ANKRD26: variants seen among roughly 807,000 people sequenced by gnomAD.
ANKRD26 encodes ankyrin repeat domain-containing protein 26.
A neutral mutation model predicts 208.7 loss-of-function variants in ANKRD26; 141 were observed. That is an observed-to-expected ratio of 0.68 (90% CI 0.59 to 0.78). The LOEUF is 0.78. Ranked by LOEUF, ANKRD26 falls within the 30% of genes least tolerant of loss-of-function variation. The pLI is 0.00. For synonymous variants in ANKRD26, 636 were observed against 660.4 expected (o/e 0.96, Z 0.57); for missense variants, 1,889 against 1,938.7 (o/e 0.97, Z 0.48).
In ANKRD26 at chr10:27,004,955, G is replaced by A. The variant is rs2052818898; in HGVS notation, c.*635C>T. 1.3e-6 allele frequency: 1 copy of A among 771,224 alleles called. No individual in the cohort carries two copies. Among genetic ancestry groups the A allele is most frequent in the Admixed American group, 6.2e-5 (1 of 16,018 alleles). The allele number at this position is 771,224 out of a possible 1,614,324, so 47.8% of individuals were successfully genotyped here. On this transcript the variant is annotated 3_prime_UTR_variant, in exon 34 of 34. Coordinates refer to ENST00000376087, the MANE Select transcript of ANKRD26 (RefSeq NM_014915.3). ...TAGGAATGCCCACTAAAGTAATCAG[G>A]GGTGATGACATAATGTCAGCAATTT... is the stretch of plus-strand genomic sequence containing the variant.
rs767613987 is a variant in ANKRD26, at chr10:27,029,371, A to T, written c.3808-15T>A. Reference sequence around the variant, plus strand: ...GCTTCTTGCAACTAAAACAAAGAATAAAAAAAACCCACTTTACTAATAATC... The same window carrying T: ...GCTTCTTGCAACTAAAACAAAGAATTAAAAAAACCCACTTTACTAATAATC... On this transcript the variant is annotated splice_polypyrimidine_tract_variant and intron_variant, in intron 25 of 33. Transcript: ENST00000376087. 222 of 1,604,412 alleles carry T rather than the reference A, an allele frequency of 1.4e-4. No homozygotes were observed. The highest frequency in any genetic ancestry group is 1.8e-4 in the African/African-American group (13 of 74,278).
chr10:27,069,356 T>C (rs1011812380), intron 9 of ANKRD26, among the ~76,000 whole-genome samples: 1 of 152,112 alleles, frequency 6.6e-6, no homozygotes, highest in African/African-American at 2.4e-5. Flanking sequence ...TGTTATTTAC[T>C]AGGATGGGGA....
chr10:27,045,232 T>C (rs767982267), intron 18 of ANKRD26, among the ~76,000 whole-genome samples: 3 of 152,278 alleles, frequency 2.0e-5, no homozygotes, highest in Non-Finnish European at 4.4e-5. Flanking sequence ...AAGACCAGCT[T>C]GGCCAACATG....
At chr10:27,050,868 A>C (rs2054631167) in intron 16 of ANKRD26, among the ~76,000 whole-genome samples, 1 of 152,232 alleles carries the variant, frequency 6.6e-6, no homozygotes, top group African/African-American at 2.4e-5. Context: ...AGGTTGATTA[A>C]GGAACAAAGA....
In ANKRD26 at chr10:27,060,372, T is replaced by C. The variant is rs770459954; in HGVS notation, c.1537A>G (p.Met513Val). 4.3e-6 allele frequency: 7 copies of C among 1,612,722 alleles called. No homozygotes were observed. In the Admixed American group the frequency reaches 8.3e-5, roughly 19 times the overall value. The change falls in exon 15 of 34, where the codon ATG becomes GTG. Residue 513 changes from methionine (M) to valine (V), a missense_variant. By Grantham distance (21) the Met-to-Val change is conservative (BLOSUM62 1). Around this residue, in one of 3 missense-constraint regions of ANKRD26, gnomAD observed 1,272 missense variants for 1,273.8 expected, o/e 1.00. Transcript: ENST00000376087. ...KDSVPNKAGG[M>V]KDVQTSKAAE... is the part of the protein sequence containing the mutation. ...GCTTTGGATGTTTGTACATCCTTCA[T>C]TCCTCCTGCTTTATTTGGAACAGAA...
chr10:27,078,360 C>G (rs998107023), intron 7 of ANKRD26, among the ~76,000 whole-genome samples: 5 of 151,848 alleles, frequency 3.3e-5, no homozygotes, highest in Non-Finnish European at 7.4e-5. Flanking sequence ...CAGACATGGA[C>G]TGAAATAACA....
At chr10:26,979,039 A>G (rs1176583139) in intron 5 of ANKRD26, among the ~76,000 whole-genome samples, 1 of 152,052 alleles carries the variant, frequency 6.6e-6, no homozygotes, top group Non-Finnish European at 1.5e-5. Context: ...TGCCTAACAC[A>G]GTGAAACCCC....
intron 17 of ANKRD26, among the ~76,000 whole-genome samples, chr10:27,047,173 A>G (rs961991847): frequency 6.6e-6 from 1 of 152,200 alleles, no homozygotes; most frequent in Non-Finnish European, 1.5e-5. Context: ...TTTATTTTAA[A>G]TGAAGTTTTA....
chr10:26,975,690 A>G (rs2134602916), exon 6 of ANKRD26, among the ~76,000 whole-genome samples: 1 of 152,062 alleles, frequency 6.6e-6, no homozygotes, highest in Non-Finnish European at 1.5e-5. Flanking sequence ...AAATATACAA[A>G]AAATAGTCAG....
At chr10:26,989,980 G>A (rs994798055), downstream of ANKRD26, among the ~76,000 whole-genome samples, 2 of 152,216 alleles carry the variant, frequency 1.3e-5, no homozygotes, top group African/African-American at 4.8e-5. Context: ...GAGAGTTCTC[G>A]GTTAGCATAT....
downstream of ANKRD26, among the ~76,000 whole-genome samples, chr10:26,988,534 A>C (rs2052427715): frequency 6.6e-6 from 1 of 152,088 alleles, no homozygotes; most frequent in African/African-American, 2.4e-5. Flanking sequence ...CTTTCCACGC[A>C]CCTTTGAGGC....
the ANKRD26 span, among the ~76,000 whole-genome samples, chr10:26,954,466 A>G: frequency 6.6e-6 from 1 of 152,184 alleles, no homozygotes; most frequent in Non-Finnish European, 1.5e-5. Flanking sequence ...TAACATAAGC[A>G]AACTTGTTTC....
At chr10:26,970,470 T>G (rs983985643), downstream of ANKRD26, among the ~76,000 whole-genome samples, 4 of 152,142 alleles carry the variant, frequency 2.6e-5, no homozygotes, top group African/African-American at 9.7e-5. Context: ...ATGCTGTCTC[T>G]CAATACTGCT....
intron 30 of ANKRD26, among the ~76,000 whole-genome samples, chr10:27,015,693 C>G (rs563471489): frequency 8.5e-5 from 13 of 152,202 alleles, no homozygotes; most frequent in Admixed American, 2.6e-4. Context: ...TGAAGACTTT[C>G]TACTCTCACA....
At chr10:26,952,724 G>A in the ANKRD26 span, among the ~76,000 whole-genome samples, 4 of 152,288 alleles carry the variant, frequency 2.6e-5, no homozygotes, top group Admixed American at 1.3e-4. Context: ...CAACATTACT[G>A]TATAGCTAAA....
chr10:27,017,413 TA>T, intron 30 of ANKRD26, 88 bp downstream of exon 30: 1 of 1,372,986 alleles, frequency 7.3e-7, no homozygotes, highest in Non-Finnish European at 1.0e-6. Flanking sequence ...CAAATTGCTA[TA>T]AGGGATGTAG....
rs376882515 is a variant in ANKRD26 at position 27,033,371 on chromosome 10, C to T, written c.3661G>A (p.Val1221Met). ...ENEKAEREVV[V>M]RQLQQELADT... is the part of the protein sequence containing the mutation. Reference sequence around the variant, plus strand: ...GCTAGTTCTTGTTGAAGTTGTCTCACAACAACCTGATAAGACATTTTGTTA... The same window carrying T: ...GCTAGTTCTTGTTGAAGTTGTCTCATAACAACCTGATAAGACATTTTGTTA... Residue 1221 changes from valine (V) to methionine (M), a missense_variant, in exon 25 of 34, where the codon GTG becomes ATG. Physicochemically the swap from Val to Met is conservative, Grantham distance 21. Coordinates refer to ENST00000376087, the MANE Select transcript of ANKRD26 (RefSeq NM_014915.3). The T allele has an allele frequency of 2.1e-5, 33 of 1,608,930 alleles. No individual in the cohort carries two copies. Among genetic ancestry groups the T allele is most frequent in the Middle Eastern group, 1.7e-4 (1 of 6,048 alleles).
At chr10:27,029,148 C>T in intron 26 of ANKRD26, 138 bp downstream of exon 26, 1 of 1,173,294 alleles carries the variant, frequency 8.5e-7, no homozygotes, top group Non-Finnish European at 1.2e-6. Context: ...ATCCGCATTT[C>T]AAAATTGCTT....
Position 27,004,968 on chromosome 10 carries a change from A to C in ANKRD26, c.*622T>G. The C allele has an allele frequency of 1.1e-6, 1 of 885,408 alleles. No individual in the cohort carries two copies. Among genetic ancestry groups the C allele is most frequent in the Non-Finnish European group, 1.4e-6 (1 of 738,792 alleles). The allele number at this position is 885,408 out of a possible 1,614,324, so 54.8% of individuals were successfully genotyped here. A position where few individuals can be genotyped will look rare whatever the true frequency, so the allele number is the denominator to read the frequency against. ...TAAAGTAATCAGGGGTGATGACATA[A>C]TGTCAGCAATTTACTCTCAAATTGT... is the stretch of plus-strand genomic sequence containing the variant. On this transcript the variant is annotated 3_prime_UTR_variant, in exon 34 of 34. Coordinates refer to ENST00000376087, the MANE Select transcript of ANKRD26 (RefSeq NM_014915.3).
Sources: gnomAD v4.1 joint callset for allele counts (sites outside exome capture counted in the v4.1 genomes callset) on GRCh38, gnomAD v4.1.1 for gene constraint, gnomAD v4.1.1 regional missense constraint, MANE v1.5 for transcripts, NCBI Gene and HGNC (gene_info 2026-07-23, HGNC 2026-07-21) for gene names.